The following CAMKMT variants were observed in gnomAD, a reference collection of about 807,000 sequenced individuals.
CAMKMT encodes the protein CaM KMT.
In CAMKMT, 53 loss-of-function variants were observed where a neutral mutation model predicts 48.0. The ratio of observed to expected loss-of-function variants is 1.10; its 90% CI spans 0.89 to 1.39. The LOEUF (loss-of-function observed/expected upper bound fraction) is 1.39. Among genes scored for constraint, CAMKMT ranks in the 40% most tolerant of loss-of-function variants. CAMKMT has a pLI of 0.00. For missense variants in CAMKMT, 428 were observed against 402.7 expected, an observed-to-expected ratio of 1.06 and a Z score of -0.54; for synonymous variants, 165 against 152.3, an observed-to-expected ratio of 1.08 and a Z score of -0.61.
intron 3 of CAMKMT, among the ~76,000 whole-genome samples, chr2:44,515,977 T>C (rs1670813058): frequency 6.6e-6 from 1 of 152,206 alleles, no homozygotes; most frequent in African/African-American, 2.4e-5. Context: ...AGAAGCAATT[T>C]TCTTTGCATT....
intron 3 of CAMKMT, among the ~76,000 whole-genome samples, chr2:44,435,868 G>A (rs2104548964): frequency 6.6e-6 from 1 of 152,244 alleles, no homozygotes; most frequent in East Asian, 1.9e-4. Context: ...GGTAGTCTTT[G>A]TCTAATGGAG....
At chr2:44,595,804 G>A (rs142594720) in intron 3 of CAMKMT, among the ~76,000 whole-genome samples, 2,195 of 152,266 alleles carry the variant, frequency 0.014, 18 homozygotes, top group South Asian at 0.032. Flanking sequence ...GTATGCAGCT[G>A]TAAAAAAGGA....
chr2:44,458,892 G>T (rs1185190375), intron 3 of CAMKMT, among the ~76,000 whole-genome samples: 1 of 152,142 alleles, frequency 6.6e-6, no homozygotes, highest in African/African-American at 2.4e-5. Flanking sequence ...ACATAAAGAG[G>T]AAAGCTACTT....
intron 3 of CAMKMT, among the ~76,000 whole-genome samples, chr2:44,439,600 A>G (rs894575630): frequency 1.3e-5 from 2 of 151,956 alleles, no homozygotes; most frequent in African/African-American, 4.8e-5. Flanking sequence ...GCACTTTGGG[A>G]GGCTGAAGCA....
At chr2:44,750,927 C>T (rs1160817969) in intron 8 of CAMKMT, among the ~76,000 whole-genome samples, 15 of 152,052 alleles carry the variant, frequency 9.9e-5, no homozygotes, top group Non-Finnish European at 7.4e-5. Flanking sequence ...GCAGGAGAAT[C>T]GCTTGAACCC....
chr2:44,507,665 A>G (rs1670330675), intron 3 of CAMKMT, among the ~76,000 whole-genome samples: 1 of 152,176 alleles, frequency 6.6e-6, no homozygotes, highest in South Asian at 2.1e-4. Flanking sequence ...ATGTTTCATT[A>G]AGTTTAATGT....
At chr2:44,497,717 G>GAGAGAGAGAGAGAA (rs1669819746) in intron 3 of CAMKMT, among the ~76,000 whole-genome samples, 1 of 150,944 alleles carries the variant, frequency 6.6e-6, no homozygotes, top group Admixed American at 6.6e-5. Flanking sequence ...CAAAGAGAGA[G>GAGAGAGAGAGAGAA]AGAGAGAGAG....
intron 3 of CAMKMT, among the ~76,000 whole-genome samples, chr2:44,491,362 T>C (rs1369174593): frequency 6.6e-6 from 1 of 152,152 alleles, no homozygotes; most frequent in Non-Finnish European, 1.5e-5. Context: ...AATTATCATA[T>C]GTGCCTAAAA....
intron 3 of CAMKMT, chr2:44,401,018 A>C (rs1682332439): frequency 6.6e-6 from 1 of 150,502 alleles, no homozygotes; most frequent in African/African-American, 2.4e-5. Flanking sequence ...GTTTATTTAT[A>C]GATTGGAACA....
chr2:44,532,817 G>GATT (rs763213732), intron 3 of CAMKMT, among the ~76,000 whole-genome samples: 31 of 146,150 alleles, frequency 2.1e-4, no homozygotes, highest in South Asian at 1.7e-3. Context: ...TGCCATTAAA[G>GATT]TTTTTTTTTT....
At chr2:44,616,057 G>C (rs1671870698) in intron 3 of CAMKMT, among the ~76,000 whole-genome samples, 1 of 152,162 alleles carries the variant, frequency 6.6e-6, no homozygotes, top group East Asian at 1.9e-4. Context: ...GGTCAGCCTG[G>C]ACACCTCTTC....
intron 3 of CAMKMT, among the ~76,000 whole-genome samples, chr2:44,658,702 A>G (rs909837718): frequency 6.6e-6 from 1 of 152,140 alleles, no homozygotes; most frequent in African/African-American, 2.4e-5. Context: ...CAAGATTACT[A>G]TTGCATTTAT....
intron 3 of CAMKMT, among the ~76,000 whole-genome samples, chr2:44,397,384 A>G (rs991811373): frequency 3.9e-5 from 6 of 152,204 alleles, no homozygotes; most frequent in African/African-American, 1.4e-4. Flanking sequence ...GGGACCTGAA[A>G]GCCAGTGGAG....
At chr2:44,430,170 T>C (rs1194158788) in intron 3 of CAMKMT, among the ~76,000 whole-genome samples, 2 of 152,068 alleles carry the variant, frequency 1.3e-5, no homozygotes, top group Non-Finnish European at 2.9e-5. Flanking sequence ...AAGAATAACC[T>C]GCCTTGTAGT....
intron 3 of CAMKMT, among the ~76,000 whole-genome samples, chr2:44,594,851 A>C (rs956596376): frequency 1.3e-5 from 2 of 152,218 alleles, no homozygotes; most frequent in Non-Finnish European, 2.9e-5. Context: ...ACAGCAAAAG[A>C]AACTATCATC....
chr2:44,595,949 A>G (rs1444984859), intron 3 of CAMKMT, among the ~76,000 whole-genome samples: 1 of 141,016 alleles, frequency 7.1e-6, no homozygotes, highest in Non-Finnish European at 1.5e-5. Flanking sequence ...ACACATGAAC[A>G]TGGGGCTGGG....
chr2:44,461,339 T>TA (rs887341485), intron 3 of CAMKMT, among the ~76,000 whole-genome samples: 6 of 151,872 alleles, frequency 4.0e-5, no homozygotes, highest in African/African-American at 9.7e-5. Flanking sequence ...AATATCTCAT[T>TA]AAAAAAAACC....
chr2:44,402,336 A>T (rs1353506012), intron 3 of CAMKMT, among the ~76,000 whole-genome samples: 1 of 151,792 alleles, frequency 6.6e-6, no homozygotes, highest in Non-Finnish European at 1.5e-5. Context: ...CTAAAAAAAA[A>T]AAAAAAAAAA....
chr2:44,756,037 A>G (rs1237391394), intron 9 of CAMKMT, among the ~76,000 whole-genome samples: 2 of 152,200 alleles, frequency 1.3e-5, no homozygotes, highest in African/African-American at 4.8e-5. Flanking sequence ...CAGAGGGGAA[A>G]TCCCAGTTGT....
Sources: allele counts gnomAD v4.1 joint callset (sites outside exome capture counted in the v4.1 genomes callset), GRCh38; gene constraint gnomAD v4.1.1; transcripts MANE v1.5; gene names NCBI Gene and HGNC (gene_info 2026-07-23, HGNC 2026-07-21).